ADGRD1: variants seen among roughly 807,000 people sequenced by gnomAD.
ADGRD1 encodes the protein G-protein coupled receptor 133.
Under a neutral mutation model 113.4 loss-of-function variants are expected in ADGRD1, and 77 were observed. The ratio of observed to expected loss-of-function variants is 0.68; its 90% confidence interval spans 0.57 to 0.82. The LOEUF (loss-of-function observed/expected upper bound fraction) is 0.82, where lower values mean the gene tolerates loss of function less well. Ranked by LOEUF, ADGRD1 falls within the 40% of genes least tolerant of loss-of-function variation. The probability of loss-of-function intolerance (pLI) is 0.00; values close to 1 mark genes in which losing one functional copy is unlikely to be tolerated. For missense variants in ADGRD1, 1,036 were observed against 1,139.1 expected, an observed-to-expected ratio of 0.91 and a Z score of 1.30; for synonymous variants, 474 against 475.0, an observed-to-expected ratio of 1.00 and a Z score of 0.03.
chr12:131,014,646 A>G (rs1878350194), intron 13 of ADGRD1, among the ~76,000 whole-genome samples: 2 of 152,144 alleles, frequency 1.3e-5, no homozygotes, highest in South Asian at 4.1e-4. Context: ...TCCTTACTGG[A>G]GGAGGGGGGT....
In ADGRD1 at chr12:131,101,377, C is replaced by CTTTTTTTTTTTTTTTTTTTT. The variant is rs71095334; in HGVS notation, c.1672-3446_1672-3427dup. On this transcript the variant is annotated intron_variant, in intron 15 of 24. Transcript: ENST00000261654. Reference sequence around the variant, plus strand: ...TTATTTTTTTTCTTTTTCTTTCTTTCTTTTTTTTTTTTTTTTTTTTTTTTT... The same window carrying CTTTTTTTTTTTTTTTTTTTT: ...TTATTTTTTTTCTTTTTCTTTCTTTCTTTTTTTTTTTTTTTTTTTTTTTTTTTTTTTTTTTTTTTTTTTTT... Among the ~76,000 whole-genome samples the CTTTTTTTTTTTTTTTTTTTT allele has an allele frequency of 1.7e-4, 6 of 36,130 alleles. 1 individual carries two copies. Among genetic ancestry groups the CTTTTTTTTTTTTTTTTTTTT allele is most frequent in the African/African-American group, 3.7e-4 (4 of 10,876 alleles). 23.7% of individuals were successfully genotyped at this position (36,130 alleles called of 152,430 possible). A position where few individuals can be genotyped will look rare whatever the true frequency, so the allele number is the denominator to read the frequency against.
At chr12:131,122,554 C>T (rs898365362) in intron 20 of ADGRD1, among the ~76,000 whole-genome samples, 4 of 152,216 alleles carry the variant, frequency 2.6e-5, no homozygotes, top group African/African-American at 9.7e-5. Context: ...CATGCAAAAA[C>T]GCTTTCAGAG....
chr12:131,052,882 G>A (rs572002441), intron 13 of ADGRD1, among the ~76,000 whole-genome samples: 8 of 152,316 alleles, frequency 5.3e-5, no homozygotes, highest in Admixed American at 3.9e-4. Flanking sequence ...CACTAGACCT[G>A]CTGAAGGCCA....
In ADGRD1 at chr12:130,954,251, T is replaced by C. The variant is rs1335953426; in HGVS notation, c.-215T>C. ...TGCTCTGGTCATCGCAACGTGTTTA[T>C]TGATCACTGAAGAATCTCAAGTTTT... On this transcript the variant is annotated 5_prime_UTR_variant, in exon 1 of 25. Transcript: ENST00000261654. The surrounding 1 kb of genome is among the most constrained non-coding windows in gnomAD (Gnocchi z 4.7). 6.1e-6 allele frequency: 3 copies of C among 495,732 alleles called. No individual in the cohort carries two copies. The highest frequency in any genetic ancestry group is 1.1e-5 in the Non-Finnish European group (3 of 284,598). The allele number at this position is 495,732 out of a possible 1,614,324, so 30.7% of individuals were successfully genotyped here.
At position 131,108,725 on chromosome 12, in the gene ADGRD1, C is replaced by T. The variant is rs145482553; in HGVS notation, c.1889C>T (p.Thr630Ile). The T allele has an allele frequency of 1.2e-6, 2 of 1,613,988 alleles. No homozygotes were observed. Among genetic ancestry groups the T allele is most frequent in the African/African-American group, 2.7e-5 (2 of 74,916 alleles). Residue 630 changes from threonine (T) to isoleucine (I), a missense_variant and splice_region_variant, in exon 18 of 25, where the codon ACC (threonine) becomes ATC (isoleucine). Thr to Ile is a moderately conservative substitution (Grantham distance 89, BLOSUM62 -1). Coordinates refer to ENST00000261654, the MANE Select transcript of ADGRD1 (RefSeq NM_198827.5). ...LISFRLEPGT[T>I]PCQVMAVLLH... The stretch of plus-strand genomic sequence containing the variant: ...TTCCCATCTCTGGTTAAATCCTAGA[C>T]CCCCTGCCAAGTGATGGCCGTGCTC...
In ADGRD1 at chr12:130,965,954, A is replaced by G. The variant is rs1303786235; in HGVS notation, c.104-509A>G. Among the ~76,000 whole-genome samples, 1 of 152,196 alleles carries G rather than the reference A, an allele frequency of 6.6e-6. No homozygotes were observed. Among genetic ancestry groups the G allele is most frequent in the Non-Finnish European group, 1.5e-5 (1 of 68,026 alleles). On this transcript the variant is annotated intron_variant, in intron 2 of 24. Coordinates refer to ENST00000261654, the MANE Select transcript of ADGRD1 (RefSeq NM_198827.5). The surrounding 1 kb of genome is among the most constrained non-coding windows in gnomAD (Gnocchi z 4.8). Reference sequence around the variant, plus strand: ...GTCTTTACAAATAGGCTAAGAATTCAATTTTCTTATAGATTATTGTTAGCA... The same window carrying G: ...GTCTTTACAAATAGGCTAAGAATTCGATTTTCTTATAGATTATTGTTAGCA...
At chr12:131,123,729 G>A (rs1343514691) in intron 20 of ADGRD1, among the ~76,000 whole-genome samples, 1 of 151,926 alleles carries the variant, frequency 6.6e-6, no homozygotes, top group Non-Finnish European at 1.5e-5. Context: ...GGCTGAGGCA[G>A]GAAAATGGCG....
At position 131,123,549 on chromosome 12, in the gene ADGRD1, C is replaced by T. The variant is rs868592261; in HGVS notation, c.2175+2636C>T. Among the ~76,000 whole-genome samples, 5 of 150,716 alleles carry T rather than the reference C, an allele frequency of 3.3e-5. 1 individual carries two copies. Among genetic ancestry groups the T allele is most frequent in the Middle Eastern group, 3.2e-3 (1 of 316 alleles). The stretch of plus-strand genomic sequence containing the variant: ...AAAGATTCCAGGTTCAGGCTGGGCG[C>T]GGTGGCTCACGCCTGTAATCCCAGC... On this transcript the variant is annotated intron_variant, in intron 20 of 24. Transcript: ENST00000261654.
Position 131,139,504 on chromosome 12 carries a change from C to T in ADGRD1, c.*241C>T. ...TTGCATCCACCCGTGGGCTGAGTGA[C>T]TTCCTCGGGGGATTCCCAGGACACA... On this transcript the variant is annotated 3_prime_UTR_variant, in exon 25 of 25. Coordinates refer to ENST00000261654, the MANE Select transcript of ADGRD1 (RefSeq NM_198827.5). 2.0e-6 allele frequency: 1 copy of T among 496,946 alleles called. No individual in the cohort carries two copies. Among genetic ancestry groups the T allele is most frequent in the East Asian group, 3.5e-5 (1 of 28,374 alleles). 30.8% of individuals were successfully genotyped at this position (496,946 alleles called of 1,614,324 possible).
At chr12:131,055,762 A>C (rs1883813759) in intron 13 of ADGRD1, among the ~76,000 whole-genome samples, 1 of 152,224 alleles carries the variant, frequency 6.6e-6, no homozygotes. Context: ...CTCTGGGGAC[A>C]GCCACAGAGC....
chr12:131,135,105 G>A (rs1333869789), intron 21 of ADGRD1, among the ~76,000 whole-genome samples: 1 of 152,220 alleles, frequency 6.6e-6, no homozygotes, highest in Non-Finnish European at 1.5e-5. Flanking sequence ...TGGGCTTGAG[G>A]TAGTTGGCCA....
chr12:130,976,544 C>T (rs1872332881), intron 4 of ADGRD1, among the ~76,000 whole-genome samples: 1 of 152,212 alleles, frequency 6.6e-6, no homozygotes, highest in Admixed American at 6.5e-5. Flanking sequence ...TGTGATACCA[C>T]ATCCCGGAAT....
intron 15 of ADGRD1, among the ~76,000 whole-genome samples, chr12:131,089,669 TG>T (rs1404073336): frequency 4.6e-5 from 7 of 151,944 alleles, no homozygotes; most frequent in Admixed American, 2.6e-4. Context: ...TCCCTGCCTA[TG>T]GGGGCTCCCT....
intron 8 of ADGRD1, among the ~76,000 whole-genome samples, chr12:130,997,086 G>T (rs1231060286): frequency 7.5e-6 from 1 of 133,150 alleles, no homozygotes; most frequent in South Asian, 2.6e-4. Flanking sequence ...AGGGGCGGCC[G>T]GGCAGAGGCA....
rs894993475 is a variant in ADGRD1 at position 131,062,657 on chromosome 12, T to C, written c.1474-14144T>C. ...GAAAGCTCTCTCTTACCTGCCGCCA[T>C]GTAAGACCGGACTTTGCTCCTCATT... On this transcript the variant is annotated intron_variant, in intron 13 of 24. Coordinates refer to ENST00000261654, the MANE Select transcript of ADGRD1 (RefSeq NM_198827.5). Among the ~76,000 whole-genome samples, 9 of 152,168 alleles carry C rather than the reference T, an allele frequency of 5.9e-5. No homozygotes were observed. In the South Asian group the frequency reaches 8.3e-4, roughly 14 times the overall value.
chr12:131,010,291 G>A (rs1448411763), intron 12 of ADGRD1, among the ~76,000 whole-genome samples: 3 of 152,184 alleles, frequency 2.0e-5, no homozygotes, highest in Admixed American at 6.5e-5. Context: ...AGTGTGTGAC[G>A]GATGGGTGAG....
chr12:131,121,239 C>T (rs1023543523), intron 20 of ADGRD1, among the ~76,000 whole-genome samples: 6 of 152,178 alleles, frequency 3.9e-5, no homozygotes, highest in Admixed American at 2.6e-4. Flanking sequence ...TCTCACCCAC[C>T]GGCTAGCTCC....
At chr12:131,104,050 T>C (rs558200810) in intron 15 of ADGRD1, among the ~76,000 whole-genome samples, 1 of 152,344 alleles carries the variant, frequency 6.6e-6, no homozygotes, top group Admixed American at 6.5e-5. Context: ...GGTTCTATCC[T>C]TTGTGGCCCT....
intron 15 of ADGRD1, among the ~76,000 whole-genome samples, chr12:131,099,744 C>T (rs1593213275): frequency 6.6e-6 from 1 of 152,188 alleles, no homozygotes; most frequent in East Asian, 1.9e-4. Context: ...ACTCAAGCAC[C>T]ATGTACCATG....
Sources: allele counts gnomAD v4.1 joint callset (sites outside exome capture counted in the v4.1 genomes callset), GRCh38; gene constraint gnomAD v4.1.1; non-coding constraint Gnocchi (gnomAD v3.1); transcripts MANE v1.5; gene names NCBI Gene and HGNC (gene_info 2026-07-23, HGNC 2026-07-21).